PCBP3: variants seen among roughly 807,000 people sequenced by gnomAD.
PCBP3 encodes poly(rC)-binding protein 3.
In PCBP3, 25 loss-of-function variants were observed where a neutral mutation model predicts 52.7. The ratio of observed to expected loss-of-function variants is 0.47; its 90% CI spans 0.35 to 0.66. The LOEUF (loss-of-function observed/expected upper bound fraction) is 0.66. Among genes scored for constraint, PCBP3 ranks in the 30% least tolerant of loss-of-function variants. PCBP3 has a pLI of 0.01. For synonymous variants in PCBP3, 162 were observed against 183.0 expected (o/e 0.89, Z 0.93); for missense variants, 391 against 490.3 (o/e 0.80, Z 1.91).
In PCBP3 at chr21:45,930,830, A is replaced by G. The variant is rs776730280; in HGVS notation, c.841A>G (p.Met281Val). The change falls in exon 15 of 18, where the codon ATG (methionine) becomes GTG (valine). Residue 281 changes from methionine (M) to valine (V), a missense_variant. By Grantham distance (21) the Met-to-Val change is conservative (BLOSUM62 1). Transcript: ENST00000681687. The part of the protein sequence containing the change: ...LHSSEEAQNL[M>V]GQSSGLDASP... ...CTCCTCCGAAGAAGCTCAAAATCTG[A>G]TGGGCCAGTCATCAGGTAACACAAA... 2.5e-6 allele frequency: 4 copies of G among 1,605,458 alleles called. No individual in the cohort carries two copies. In the African/African-American group the frequency reaches 5.3e-5, roughly 21 times the overall value.
chr21:45,895,750 T>G (rs1227031026), intron 5 of PCBP3, among the ~76,000 whole-genome samples: 3 of 152,206 alleles, frequency 2.0e-5, no homozygotes, highest in Non-Finnish European at 2.9e-5. Context: ...GCTTGGGACG[T>G]GAAGGGCCGG....
chr21:45,760,684 G>GA (rs2088553791), intron 4 of PCBP3: 1 of 152,100 alleles, frequency 6.6e-6, no homozygotes, highest in Admixed American at 6.5e-5. Flanking sequence ...GGCAAAAGAG[G>GA]ATAGTTGAAC....
chr21:45,680,438 T>A, intron 2 of PCBP3, among the ~76,000 whole-genome samples: 1 of 152,224 alleles, frequency 6.6e-6, no homozygotes, highest in East Asian at 1.9e-4. Flanking sequence ...CACGTTTTGG[T>A]GGATTTACAC....
chr21:45,649,800 T>G (rs1288448113), intron 1 of PCBP3, among the ~76,000 whole-genome samples: 1 of 152,172 alleles, frequency 6.6e-6, no homozygotes, highest in African/African-American at 2.4e-5. Context: ...TGTTATTTTT[T>G]TTTTGGTAGA....
chr21:45,769,809 A>G (rs1019500603), intron 4 of PCBP3, among the ~76,000 whole-genome samples: 2 of 152,244 alleles, frequency 1.3e-5, no homozygotes, highest in Admixed American at 1.3e-4. Flanking sequence ...TCGTTTCACA[A>G]GTGATAGAAA....
chr21:45,681,913 C>T (rs570107525), intron 2 of PCBP3, among the ~76,000 whole-genome samples: 1 of 151,712 alleles, frequency 6.6e-6, no homozygotes, highest in Non-Finnish European at 1.5e-5. Context: ...TTTTTATATC[C>T]AATTATTATA....
chr21:45,784,608 G>A (rs1290539666), intron 4 of PCBP3, among the ~76,000 whole-genome samples: 2 of 152,320 alleles, frequency 1.3e-5, no homozygotes, highest in Admixed American at 6.5e-5. Flanking sequence ...TTGCAGGCGC[G>A]CGCCGCCACG....
At position 45,898,334 on chromosome 21, in the gene PCBP3, A is replaced by G. The variant is rs370793293; in HGVS notation, c.166-1265A>G. Among the ~76,000 whole-genome samples the G allele has an allele frequency of 5.0e-3, 264 of 52,910 alleles. 7 individuals carry two copies. Among genetic ancestry groups the G allele is most frequent in the African/African-American group, 0.023 (204 of 8,900 alleles). 34.7% of individuals were successfully genotyped at this position (52,910 alleles called of 152,430 possible). On this transcript the variant is annotated intron_variant, in intron 6 of 17. Transcript: ENST00000681687. ...GTCTCCCTCTGCACACCGTCCTCACAGCCTCCCTCTGCACACCATCCTCAT... is the reference window on the plus strand; with the variant it reads ...GTCTCCCTCTGCACACCGTCCTCACGGCCTCCCTCTGCACACCATCCTCAT...
At chr21:45,874,137 AT>A (rs1433668373) in intron 5 of PCBP3, among the ~76,000 whole-genome samples, 10 of 152,206 alleles carry the variant, frequency 6.6e-5, no homozygotes, top group African/African-American at 2.4e-4. Flanking sequence ...CCGCTTGTCT[AT>A]TCTTATGCCA....
At chr21:45,782,463 T>C (rs1309739525) in intron 4 of PCBP3, among the ~76,000 whole-genome samples, 1 of 152,154 alleles carries the variant, frequency 6.6e-6, no homozygotes, top group Non-Finnish European at 1.5e-5. Flanking sequence ...GCACAGTGCA[T>C]TGGGAGGCAG....
chr21:45,777,313 T>C (rs1187061140), intron 4 of PCBP3, among the ~76,000 whole-genome samples: 3 of 134,200 alleles, frequency 2.2e-5, no homozygotes, highest in Non-Finnish European at 5.1e-5. Context: ...CCTTTATAGA[T>C]GACTAGATGC....
intron 4 of PCBP3, among the ~76,000 whole-genome samples, chr21:45,756,936 G>A (rs1306376703): frequency 6.6e-6 from 1 of 152,056 alleles, no homozygotes; most frequent in African/African-American, 2.4e-5. Flanking sequence ...CACTTTTTGG[G>A]TATTTAGTTT....
At chr21:45,872,198 G>A (rs983604107) in intron 5 of PCBP3, 1 of 152,248 alleles carries the variant, frequency 6.6e-6, no homozygotes, top group African/African-American at 2.4e-5. Context: ...TGTAGACCCA[G>A]GCTTTTTCTC....
chr21:45,783,200 T>A (rs1569216300), intron 4 of PCBP3, among the ~76,000 whole-genome samples: 1 of 152,228 alleles, frequency 6.6e-6, no homozygotes, highest in Non-Finnish European at 1.5e-5. Context: ...AAATCTTAAT[T>A]TACAATCCGT....
intron 3 of PCBP3, among the ~76,000 whole-genome samples, chr21:45,738,247 G>A (rs2086037280): frequency 6.6e-6 from 1 of 150,746 alleles, no homozygotes; most frequent in African/African-American, 2.4e-5. Flanking sequence ...TTGGTTATTT[G>A]CTTCTTAGAG....
intron 2 of PCBP3, among the ~76,000 whole-genome samples, chr21:45,683,917 C>A (rs553202570): frequency 2.6e-5 from 4 of 151,292 alleles, no homozygotes; most frequent in African/African-American, 9.7e-5. Flanking sequence ...CAGCGAGACT[C>A]CATCTCAAAA....
chr21:45,910,621 G>A (rs12397627), intron 10 of PCBP3, among the ~76,000 whole-genome samples: 3,961 of 152,250 alleles, frequency 0.026, 57 homozygotes, highest in Non-Finnish European at 0.039. Flanking sequence ...GAAAAGAGTC[G>A]TTTGTCTCCC....
intron 13 of PCBP3, among the ~76,000 whole-genome samples, chr21:45,919,773 GC>G (rs1028253880): frequency 4.6e-5 from 7 of 152,220 alleles, no homozygotes; most frequent in African/African-American, 1.7e-4. Context: ...TGTTGGGGCT[GC>G]CCCAGCCTGC....
intron 1 of PCBP3, among the ~76,000 whole-genome samples, chr21:45,657,095 A>G (rs540430902): frequency 6.6e-6 from 1 of 152,350 alleles, no homozygotes; most frequent in East Asian, 1.9e-4. Flanking sequence ...TGCTGGGATT[A>G]CAGGTGTGAA....
Sources: gnomAD v4.1 joint callset for allele counts (sites outside exome capture counted in the v4.1 genomes callset) on GRCh38, gnomAD v4.1.1 for gene constraint, MANE v1.5 for transcripts, NCBI Gene and HGNC (gene_info 2026-07-23, HGNC 2026-07-21) for gene names.